The following PCDH15 variants were observed in gnomAD, a reference collection of about 807,000 sequenced individuals.
The protein encoded by PCDH15 is protocadherin related 15.
PCDH15 carries 129 observed loss-of-function variants against 178.5 expected under a neutral mutation model. The observed-to-expected ratio is 0.72, with a 90% CI of 0.63 to 0.84. PCDH15 has a LOEUF of 0.84. Ranked by LOEUF, PCDH15 falls within the 40% of genes least tolerant of loss-of-function variation. PCDH15 has a pLI of 0.00. For missense variants in PCDH15, 2,230 were observed against 2,099.9 expected (o/e 1.06, Z -1.21); for synonymous variants, 800 against 732.0 (o/e 1.09, Z -1.50).
intron 2 of PCDH15, among the ~76,000 whole-genome samples, chr10:55,354,877 A>T (rs1480379271): frequency 6.6e-6 from 1 of 151,878 alleles, no homozygotes; most frequent in Non-Finnish European, 1.5e-5. Flanking sequence ...TCACGGAAAA[A>T]ATCACTCAGG....
intron 2 of PCDH15, among the ~76,000 whole-genome samples, chr10:54,632,671 A>T (rs1352916420): frequency 1.3e-5 from 2 of 152,264 alleles, no homozygotes; most frequent in East Asian, 3.9e-4. Flanking sequence ...GAATAAGGGG[A>T]CACTGACATC....
At chr10:55,255,354 G>A (rs1234541620) in intron 1 of PCDH15, among the ~76,000 whole-genome samples, 2 of 152,130 alleles carry the variant, frequency 1.3e-5, no homozygotes. Context: ...GTCTATCATT[G>A]TTGGACATTT....
At chr10:54,156,563 G>C (rs1315841897) in intron 13 of PCDH15, among the ~76,000 whole-genome samples, 5 of 152,128 alleles carry the variant, frequency 3.3e-5, no homozygotes. Context: ...CTCCCACTGG[G>C]TCCTCCCACA....
intron 2 of PCDH15, among the ~76,000 whole-genome samples, chr10:55,529,799 T>C (rs1177572787): frequency 7.7e-6 from 1 of 130,686 alleles, no homozygotes; most frequent in Non-Finnish European, 1.6e-5. Context: ...CAAATACATA[T>C]ATGTTTTTGA....
At chr10:55,216,192 A>C (rs1348405782) in intron 1 of PCDH15, among the ~76,000 whole-genome samples, 2 of 151,928 alleles carry the variant, frequency 1.3e-5, no homozygotes, top group Non-Finnish European at 2.9e-5. Context: ...TTGCACATCT[A>C]GTTTAATTTT....
intron 3 of PCDH15, among the ~76,000 whole-genome samples, chr10:54,448,400 G>T (rs544277731): frequency 6.6e-6 from 1 of 151,730 alleles, no homozygotes; most frequent in East Asian, 1.9e-4. Context: ...ATTTTCCCAA[G>T]TAAGCTGAGG....
intron 1 of PCDH15, among the ~76,000 whole-genome samples, chr10:54,733,592 C>CA (rs1943689255): frequency 6.6e-6 from 1 of 150,954 alleles, no homozygotes; most frequent in Admixed American, 6.6e-5. Flanking sequence ...TTTTAGATAC[C>CA]AAAAAACTGA....
At chr10:55,472,306 C>A (rs1257461530) in intron 2 of PCDH15, among the ~76,000 whole-genome samples, 1 of 152,114 alleles carries the variant, frequency 6.6e-6, no homozygotes, top group Non-Finnish European at 1.5e-5. Flanking sequence ...GCCAATTATG[C>A]TTTCAACTTA....
intron 32 of PCDH15, chr10:53,821,707 A>G (rs2076277769): frequency 1.4e-6 from 2 of 1,460,076 alleles, no homozygotes; most frequent in African/African-American, 1.4e-5. Flanking sequence ...GATGAGGTTA[A>G]TATCTTTTTA....
chr10:55,590,088 A>T (rs1209997534), intron 2 of PCDH15, among the ~76,000 whole-genome samples: 1 of 150,716 alleles, frequency 6.6e-6, no homozygotes, highest in African/African-American at 2.4e-5. Flanking sequence ...GATAGACTGG[A>T]TTAAGAAAAT....
intron 2 of PCDH15, among the ~76,000 whole-genome samples, chr10:54,601,430 T>C (rs1002324050): frequency 6.6e-6 from 1 of 151,896 alleles, no homozygotes; most frequent in African/African-American, 2.4e-5. Flanking sequence ...CAAAAAAAAG[T>C]ATTTTAAAAA....
intron 2 of PCDH15, among the ~76,000 whole-genome samples, chr10:55,357,934 A>G (rs542595287): frequency 1.3e-5 from 2 of 152,246 alleles, no homozygotes; most frequent in East Asian, 3.9e-4. Context: ...ATAAACCAAC[A>G]GAGATAGCAA....
Position 53,822,935 on chromosome 10 carries a change from C to T in PCDH15, c.4368-2705G>A. The T allele has an allele frequency of 3.1e-6, 5 of 1,614,134 alleles. No homozygotes were observed. The highest frequency in any genetic ancestry group is 4.2e-6 in the Non-Finnish European group (5 of 1,180,012). On this transcript the variant is annotated intron_variant, in intron 32 of 37. Transcript: ENST00000644397. Reference sequence around the variant, plus strand: ...TCTGCCTGGTGCCTTGCCACTGCTGCAGATCTATGATCTCTGGTCTATTTG... The same window carrying T: ...TCTGCCTGGTGCCTTGCCACTGCTGTAGATCTATGATCTCTGGTCTATTTG...
chr10:54,433,729 T>C (rs1187708493), intron 3 of PCDH15, among the ~76,000 whole-genome samples: 2 of 152,190 alleles, frequency 1.3e-5, no homozygotes, highest in African/African-American at 4.8e-5. Flanking sequence ...GGATAAATGC[T>C]TGAGGGGATG....
chr10:55,457,134 G>A (rs897221965), intron 2 of PCDH15, among the ~76,000 whole-genome samples: 6 of 152,044 alleles, frequency 3.9e-5, no homozygotes, highest in African/African-American at 7.2e-5. Flanking sequence ...GGAAAGGTGG[G>A]AAGGGTATCT....
intron 3 of PCDH15, among the ~76,000 whole-genome samples, chr10:54,450,705 T>C (rs906702560): frequency 1.3e-5 from 2 of 151,768 alleles, no homozygotes; most frequent in South Asian, 2.1e-4. Context: ...CTAGCTTCAA[T>C]TGAAAAAAAA....
chr10:55,191,818 A>G (rs1839950920), intron 1 of PCDH15, among the ~76,000 whole-genome samples: 1 of 151,840 alleles, frequency 6.6e-6, no homozygotes, highest in East Asian at 1.9e-4. Context: ...CTTTCACTGT[A>G]ACTTTCCCAA....
intron 1 of PCDH15, among the ~76,000 whole-genome samples, chr10:55,273,312 T>A (rs952058099): frequency 1.3e-5 from 2 of 152,132 alleles, no homozygotes; most frequent in African/African-American, 4.8e-5. Flanking sequence ...TTCAACATCT[T>A]ACTATGCCTG....
chr10:55,184,559 C>T (rs67458786), intron 1 of PCDH15, among the ~76,000 whole-genome samples: 18,500 of 151,854 alleles, frequency 0.12, 1,228 homozygotes, highest in East Asian at 0.25. Context: ...TTGACATTTA[C>T]GATACTTATC....
Sources: allele counts gnomAD v4.1 joint callset (sites outside exome capture counted in the v4.1 genomes callset), GRCh38; gene constraint gnomAD v4.1.1; transcripts MANE v1.5; gene names NCBI Gene and HGNC (gene_info 2026-07-23, HGNC 2026-07-21).